RALGAPA2: variants seen among roughly 807,000 people sequenced by gnomAD.
RALGAPA2 encodes ral GTPase-activating protein subunit alpha-2.
In RALGAPA2, 139 loss-of-function variants were observed where a neutral mutation model predicts 230.4. The observed-to-expected ratio is 0.60, with a 90% CI of 0.53 to 0.69. RALGAPA2 has a LOEUF of 0.69. Among genes scored for constraint, RALGAPA2 ranks in the 30% least tolerant of loss-of-function variants. RALGAPA2 has a pLI of 0.00. For missense variants in RALGAPA2, 2,163 were observed against 2,276.0 expected, an observed-to-expected ratio of 0.95 and a Z score of 1.01; for synonymous variants, 847 against 837.8, an observed-to-expected ratio of 1.01 and a Z score of -0.19.
chr20:20,614,926 G>A (rs1307362219), intron 13 of RALGAPA2, among the ~76,000 whole-genome samples: 3 of 152,162 alleles, frequency 2.0e-5, no homozygotes, highest in Admixed American at 6.5e-5. Context: ...GATAACCAAG[G>A]CAGAAGATCA....
intron 1 of RALGAPA2, among the ~76,000 whole-genome samples, chr20:20,708,851 T>C (rs1026780855): frequency 1.3e-5 from 2 of 152,210 alleles, no homozygotes; most frequent in Non-Finnish European, 2.9e-5. Context: ...GCCAGTTCTA[T>C]ATCCTAATTT....
Position 20,513,129 on chromosome 20 carries a change from A to C in RALGAPA2, c.4240T>G (p.Ser1414Ala). Residue 1414 changes from serine (S) to alanine (A), a missense_variant, in exon 32 of 40, where the codon TCC becomes GCC. Transcript: ENST00000202677. ...CTGAACACCTCAAAGGACAGCTCGG[A>C]GCCTTCCACATGGGCATTGTCATGG... The part of the protein sequence containing the change: ...ENHDNAHVEG[S>A]ELSFEVFRSP... 2 of 1,569,368 alleles carry C rather than the reference A, an allele frequency of 1.3e-6. No individual in the cohort carries two copies. The highest frequency in any genetic ancestry group is 1.7e-6 in the Non-Finnish European group (2 of 1,161,064).
intron 37 of RALGAPA2, among the ~76,000 whole-genome samples, chr20:20,423,296 G>T (rs1318243768): frequency 6.6e-6 from 1 of 152,186 alleles, no homozygotes; most frequent in Non-Finnish European, 1.5e-5. Flanking sequence ...GAGAGGCCTG[G>T]CCAGAGCTGA....
intron 20 of RALGAPA2, among the ~76,000 whole-genome samples, chr20:20,582,009 C>T (rs950480326): frequency 2.0e-5 from 3 of 152,064 alleles, no homozygotes; most frequent in South Asian, 2.1e-4. Context: ...CAGCCTTTCC[C>T]GCACTGATTC....
intron 38 of RALGAPA2, 97 bp from the exon 39 acceptor site, chr20:20,396,831 T>C (rs957099968): frequency 1.3e-5 from 14 of 1,051,456 alleles, no homozygotes; most frequent in Non-Finnish European, 2.0e-5. Context: ...CATTTATCCC[T>C]GAGCTGCCCA....
intron 37 of RALGAPA2, among the ~76,000 whole-genome samples, chr20:20,447,936 C>T (rs1172337861): frequency 6.6e-6 from 1 of 152,180 alleles, no homozygotes; most frequent in East Asian, 1.9e-4. Context: ...AAGGGGGCAT[C>T]ATTCTGCCTT....
Position 20,534,690 on chromosome 20 carries a change from A to G in RALGAPA2, c.3473+1055T>C, listed in dbSNP as rs192264411. The stretch of plus-strand genomic sequence containing the variant: ...ACCATCAAGGTCTACTAAATACTCA[A>G]GAATATTAACTCTAATTTTGTAAAA... On this transcript the variant is annotated intron_variant, in intron 26 of 39. Coordinates refer to ENST00000202677, the MANE Select transcript of RALGAPA2 (RefSeq NM_020343.4). 1.1e-3 allele frequency among the ~76,000 whole-genome samples: 161 copies of G among 152,322 alleles called. 1 individual carries two copies. Among genetic ancestry groups the G allele is most frequent in the African/African-American group, 3.7e-3 (154 of 41,584 alleles).
chr20:20,531,201 C>A (rs1486098440), intron 27 of RALGAPA2, among the ~76,000 whole-genome samples: 1 of 152,222 alleles, frequency 6.6e-6, no homozygotes, highest in African/African-American at 2.4e-5. Flanking sequence ...TTAGAGTTCG[C>A]CATTACTCTG....
At chr20:20,446,509 T>G (rs1388565569) in intron 37 of RALGAPA2, among the ~76,000 whole-genome samples, 1 of 152,158 alleles carries the variant, frequency 6.6e-6, no homozygotes, top group African/African-American at 2.4e-5. Flanking sequence ...AGGAGAATGA[T>G]GATTAAGAGG....
rs557547760 is a variant in RALGAPA2 at position 20,486,415 on chromosome 20, T to C, written c.5367+8702A>G. On this transcript the variant is annotated intron_variant, in intron 36 of 39. Transcript: ENST00000202677. Reference sequence around the variant, plus strand: ...TTTTTTCCTTTCAACACAATAAATATATTATGCCACTCTCTTCTTGATCGC... The same window carrying C: ...TTTTTTCCTTTCAACACAATAAATACATTATGCCACTCTCTTCTTGATCGC... Among the ~76,000 whole-genome samples, 4 of 152,216 alleles carry C rather than the reference T, an allele frequency of 2.6e-5. No homozygotes were observed. The East Asian group carries it at 7.7e-4, about 29-fold the overall frequency.
chr20:20,569,881 C>A (rs917083705), intron 23 of RALGAPA2, among the ~76,000 whole-genome samples: 9 of 152,096 alleles, frequency 5.9e-5, no homozygotes, highest in African/African-American at 2.2e-4. Context: ...TTTTTTCCTG[C>A]AAAATATTAG....
Position 20,590,139 on chromosome 20 carries a change from T to C in RALGAPA2, c.2342-774A>G, listed in dbSNP as rs1370164665. On this transcript the variant is annotated intron_variant, in intron 17 of 39. Transcript: ENST00000202677. Reference sequence around the variant, plus strand: ...TGAGAACACTTAAAATCTACTCTCTTAGCAATTTTCAAGAATACAATACAC... The same window carrying C: ...TGAGAACACTTAAAATCTACTCTCTCAGCAATTTTCAAGAATACAATACAC... Among the ~76,000 whole-genome samples, 7 of 151,980 alleles carry C rather than the reference T, an allele frequency of 4.6e-5. No individual in the cohort carries two copies. In the East Asian group the frequency reaches 1.3e-3, roughly 29 times the overall value.
chr20:20,673,182 C>A (rs1183907945), intron 3 of RALGAPA2, among the ~76,000 whole-genome samples: 9 of 147,560 alleles, frequency 6.1e-5, no homozygotes, highest in Non-Finnish European at 8.9e-5. Flanking sequence ...AAGACTCCAT[C>A]TTTAAAAAAA....
At chr20:20,411,497 C>T (rs888138718) in intron 38 of RALGAPA2, among the ~76,000 whole-genome samples, 43 of 152,312 alleles carry the variant, frequency 2.8e-4, no homozygotes, top group African/African-American at 9.1e-4. Context: ...GGTGCTGCTC[C>T]GGTCGGCGGC....
At chr20:20,604,492 C>T (rs2065756835) in intron 15 of RALGAPA2, among the ~76,000 whole-genome samples, 1 of 152,168 alleles carries the variant, frequency 6.6e-6, no homozygotes, top group Admixed American at 6.5e-5. Context: ...AATAGTGTGA[C>T]ATCTTGAGTT....
intron 16 of RALGAPA2, 105 bp downstream of exon 16, chr20:20,601,576 AG>A: frequency 9.3e-7 from 1 of 1,078,226 alleles, no homozygotes; most frequent in Non-Finnish European, 1.3e-6. Flanking sequence ...ATTTAATATA[AG>A]GTCTAATATT....
chr20:20,520,442 A>G (rs1047031643), intron 31 of RALGAPA2, among the ~76,000 whole-genome samples: 1 of 152,156 alleles, frequency 6.6e-6, no homozygotes, highest in Admixed American at 6.5e-5. Context: ...GAGCAGAGCA[A>G]ATCTAAAACT....
At chr20:20,694,882 GA>G (rs2069051413) in intron 1 of RALGAPA2, among the ~76,000 whole-genome samples, 2 of 152,196 alleles carry the variant, frequency 1.3e-5, no homozygotes. Flanking sequence ...TGCAGAATTT[GA>G]GAACCCCTTG....
intron 20 of RALGAPA2, among the ~76,000 whole-genome samples, chr20:20,580,987 GAA>G (rs1347333272): frequency 6.6e-6 from 1 of 152,128 alleles, no homozygotes. Context: ...GCTCTCTTAA[GAA>G]CAGAAAGTTA....
Sources: allele counts gnomAD v4.1 joint callset (sites outside exome capture counted in the v4.1 genomes callset), GRCh38; gene constraint gnomAD v4.1.1; transcripts MANE v1.5; gene names NCBI Gene and HGNC (gene_info 2026-07-23, HGNC 2026-07-21).